Variants in RELL1 observed in about 807,000 individuals in gnomAD.
The protein encoded by RELL1 is RELT like 1.
RELL1 carries 10 observed loss-of-function variants against 23.0 expected under a neutral mutation model. The observed-to-expected ratio is 0.43, with a 90% CI of 0.27 to 0.74. The LOEUF is 0.74. Ranked by LOEUF, RELL1 falls within the 30% of genes least tolerant of loss-of-function variation. The probability of loss-of-function intolerance (pLI) is 0.19; values close to 1 mark genes in which losing one functional copy is unlikely to be tolerated. For missense variants in RELL1, 315 were observed against 364.4 expected, an observed-to-expected ratio of 0.86 and a Z score of 1.10; for synonymous variants, 146 against 146.8, an observed-to-expected ratio of 0.99 and a Z score of 0.04.
intron 6 of RELL1, among the ~76,000 whole-genome samples, chr4:37,604,920 G>C (rs62297172): frequency 0.25 from 26,860 of 107,962 alleles, 4,962 homozygotes; most frequent in East Asian, 0.35. Context: ...CACACACACA[G>C]ACACACACAC....
At chr4:37,627,889 C>T (rs1026084998) in intron 6 of RELL1, among the ~76,000 whole-genome samples, 4 of 152,154 alleles carry the variant, frequency 2.6e-5, no homozygotes, top group Non-Finnish European at 5.9e-5. Context: ...ACATAGCACT[C>T]CTCTCCTGCT....
intron 3 of RELL1, among the ~76,000 whole-genome samples, chr4:37,646,456 G>T (rs61699166): frequency 0.23 from 34,474 of 152,002 alleles, 4,267 homozygotes; most frequent in Middle Eastern, 0.3. Context: ...ATGGGGAGTG[G>T]CTGCCTAAAG....
intron 4 of RELL1, 130 bp from the exon 5 acceptor site, chr4:37,635,253 T>G: frequency 1.4e-6 from 1 of 707,642 alleles, no homozygotes; most frequent in Non-Finnish European, 2.4e-6. Context: ...ATTGTACAAA[T>G]GGACTTTGTG....
At chr4:37,683,953 C>A (rs1358052456) in intron 1 of RELL1, among the ~76,000 whole-genome samples, 2 of 151,578 alleles carry the variant, frequency 1.3e-5, no homozygotes, top group Middle Eastern at 3.2e-3. Context: ...TGGTGGCGGG[C>A]GCCTGTAGTC....
exon 7 of RELL1, chr4:37,590,893 G>C: frequency 1.9e-6 from 3 of 1,614,188 alleles, no homozygotes; most frequent in Non-Finnish European, 2.5e-6. Flanking sequence ...CCATGGCTCC[G>C]ATGGAGATGG....
At chr4:37,678,919 C>G (rs1722112204) in intron 1 of RELL1, among the ~76,000 whole-genome samples, 1 of 152,052 alleles carries the variant, frequency 6.6e-6, no homozygotes, top group Non-Finnish European at 1.5e-5. Flanking sequence ...AGAGGAGGAT[C>G]AGGTAGGGCT....
intron 6 of RELL1, among the ~76,000 whole-genome samples, chr4:37,601,759 C>T (rs1053690761): frequency 1.3e-5 from 2 of 152,340 alleles, no homozygotes; most frequent in East Asian, 3.9e-4. Flanking sequence ...CCTATAGCTA[C>T]GTTTCTGCAA....
Position 37,649,256 on chromosome 4 carries a change from A to G in RELL1, c.313+20T>C, listed in dbSNP as rs1391868399. ...AAAACTGTCTCCTCACCCCCAATAA[A>G]AAGAGCCCTGGTTATTTACCTATCT... is the stretch of plus-strand genomic sequence containing the variant. On this transcript the variant is annotated intron_variant, in intron 2 of 6. Coordinates refer to ENST00000454158, the MANE Select transcript of RELL1 (RefSeq NM_001085400.2). 1 of 1,594,786 alleles carries G rather than the reference A, an allele frequency of 6.3e-7. No homozygotes were observed. Among genetic ancestry groups the G allele is most frequent in the Non-Finnish European group, 8.6e-7 (1 of 1,164,546 alleles).
rs115198627 is a variant in RELL1 at position 37,655,675 on chromosome 4, C to T, written c.89-6175G>A. ...GAGGCAGCTCTAGCAAACGAATTCA[C>T]TTGGCATCTTGAGGACAATGTCACA... On this transcript the variant is annotated intron_variant, in intron 1 of 6. Transcript: ENST00000454158. Among the ~76,000 whole-genome samples the T allele has an allele frequency of 2.6e-3, 394 of 152,326 alleles. 1 individual carries two copies. The highest frequency in any genetic ancestry group is 9.0e-3 in the African/African-American group (374 of 41,578).
At chr4:37,619,565 TCA>T (rs1485977681) in intron 6 of RELL1, among the ~76,000 whole-genome samples, 1 of 151,964 alleles carries the variant, frequency 6.6e-6, no homozygotes. Flanking sequence ...GAATAATTAT[TCA>T]CAGTGTTCCC....
At chr4:37,668,848 G>C (rs1408936654) in intron 1 of RELL1, among the ~76,000 whole-genome samples, 2 of 148,690 alleles carry the variant, frequency 1.3e-5, no homozygotes, top group Non-Finnish European at 3.0e-5. Context: ...CTGAGATGTG[G>C]GGAGCGCCTC....
chr4:37,630,356 GTTTTTTTTTTTT>G (rs59763359), intron 6 of RELL1, among the ~76,000 whole-genome samples: 2 of 86,734 alleles, frequency 2.3e-5, no homozygotes, highest in Non-Finnish European at 4.3e-5. Context: ...TGTGTGTGTG[GTTTTTTTTTTTT>G]TTTTTTTTTT....
chr4:37,677,653 T>C (rs1296403282), intron 1 of RELL1, among the ~76,000 whole-genome samples: 3 of 152,186 alleles, frequency 2.0e-5, no homozygotes, highest in Non-Finnish European at 4.4e-5. Flanking sequence ...CCCTACACAT[T>C]AGGCCATTCT....
chr4:37,602,041 CTG>C (rs1268267536), intron 6 of RELL1, among the ~76,000 whole-genome samples: 2 of 151,898 alleles, frequency 1.3e-5, no homozygotes, highest in Non-Finnish European at 2.9e-5. Context: ...TGAAAAAAAC[CTG>C]TCTCTTTGAA....
chr4:37,646,107 G>A (rs1720702471), intron 3 of RELL1, among the ~76,000 whole-genome samples: 1 of 152,166 alleles, frequency 6.6e-6, no homozygotes, highest in African/African-American at 2.4e-5. Flanking sequence ...AAGCCCAGGG[G>A]AAACATTTTC....
chr4:37,634,764 A>G, intron 5 of RELL1, 123 bp downstream of exon 5: 5 of 847,598 alleles, frequency 5.9e-6, no homozygotes, highest in Admixed American at 2.1e-5. Flanking sequence ...ACATCTAAAA[A>G]GCCCAGAGAT....
chr4:37,646,365 G>A (rs986443465), intron 3 of RELL1, among the ~76,000 whole-genome samples: 1 of 152,200 alleles, frequency 6.6e-6, no homozygotes, highest in Non-Finnish European at 1.5e-5. Context: ...CTTTGTAAAA[G>A]TGTTAACACT....
At chr4:37,673,708 G>T (rs909725098) in intron 1 of RELL1, among the ~76,000 whole-genome samples, 2 of 152,128 alleles carry the variant, frequency 1.3e-5, no homozygotes, top group Admixed American at 6.5e-5. Context: ...AATGGGAATG[G>T]CAATCTGAAC....
intron 6 of RELL1, among the ~76,000 whole-genome samples, chr4:37,595,521 C>T (rs144035334): frequency 0.013 from 1,980 of 152,116 alleles, 55 homozygotes; most frequent in African/African-American, 0.046. Flanking sequence ...GATCTTTTCC[C>T]GGTCTGGTTG....
Sources: gnomAD v4.1 joint callset for allele counts (sites outside exome capture counted in the v4.1 genomes callset) on GRCh38, gnomAD v4.1.1 for gene constraint, MANE v1.5 for transcripts, NCBI Gene and HGNC (gene_info 2026-07-23, HGNC 2026-07-21) for gene names.